CHRM2: variants seen among roughly 807,000 people sequenced by gnomAD.
CHRM2 encodes muscarinic acetylcholine receptor M2.
Under a neutral mutation model 25.0 loss-of-function variants are expected in CHRM2, and 8 were observed. The observed-to-expected ratio is 0.32, with a 90% CI of 0.19 to 0.58. CHRM2 has a LOEUF of 0.58. Ranked by LOEUF, CHRM2 falls within the 20% of genes least tolerant of loss-of-function variation. The pLI is 0.88. For missense variants in CHRM2, 440 were observed against 567.1 expected (o/e 0.78, Z 2.28); for synonymous variants, 202 against 205.7 (o/e 0.98, Z 0.15).
At chr7:136,944,482 TGTGTG>T (rs1799953444) in intron 2 of CHRM2, among the ~76,000 whole-genome samples, 1 of 152,026 alleles carries the variant, frequency 6.6e-6, no homozygotes, top group East Asian at 1.9e-4. Flanking sequence ...TATGTGTGTG[TGTGTG>T]TACATGTATA....
In CHRM2 at chr7:136,869,523, G is replaced by A. The variant is rs979408480; in HGVS notation, c.-125+105G>A. ...CCCCAAGCCGGAGGCTCAGGGGTCG[G>A]GGCTTGGGGGAATTGGAGGGAGGTC... On this transcript the variant is annotated intron_variant, in intron 2 of 3. Transcript: ENST00000680005. The surrounding 1 kb of genome is among the most constrained non-coding windows in gnomAD (Gnocchi z 4.9). 6 of 152,426 alleles carry A rather than the reference G, an allele frequency of 3.9e-5. No homozygotes were observed. Among genetic ancestry groups the A allele is most frequent in the African/African-American group, 1.4e-4 (6 of 41,466 alleles). 9.4% of individuals were successfully genotyped at this position (152,426 alleles called of 1,614,324 possible).
intron 2 of CHRM2, among the ~76,000 whole-genome samples, chr7:136,877,180 G>T (rs1412616375): frequency 6.6e-6 from 1 of 152,050 alleles, no homozygotes; most frequent in Non-Finnish European, 1.5e-5. Flanking sequence ...TTAGGGCCCG[G>T]ACAGAGAGCT....
chr7:136,872,234 T>C (rs1037820013), intron 2 of CHRM2, among the ~76,000 whole-genome samples: 3 of 152,074 alleles, frequency 2.0e-5, no homozygotes, highest in East Asian at 1.9e-4. Flanking sequence ...TGGAGGCAAA[T>C]TGGAGTGAGC....
chr7:136,931,737 G>A (rs946946004), intron 2 of CHRM2, among the ~76,000 whole-genome samples: 10 of 152,178 alleles, frequency 6.6e-5, no homozygotes, highest in African/African-American at 2.4e-4. Flanking sequence ...CTGTCCCTTT[G>A]AAGACTGCAT....
intron 2 of CHRM2, among the ~76,000 whole-genome samples, chr7:136,910,013 G>A (rs754126001): frequency 1.3e-5 from 2 of 151,642 alleles, no homozygotes; most frequent in Non-Finnish European, 2.9e-5. Context: ...CACACCAAAC[G>A]CTGTTTAGTA....
chr7:137,002,337 T>A (rs1804105873), intron 3 of CHRM2, among the ~76,000 whole-genome samples: 1 of 152,204 alleles, frequency 6.6e-6, no homozygotes, highest in African/African-American at 2.4e-5. Context: ...TATGAAATTT[T>A]GTTATTTTTA....
At chr7:137,008,589 G>A (rs1804603865) in intron 3 of CHRM2, among the ~76,000 whole-genome samples, 1 of 151,944 alleles carries the variant, frequency 6.6e-6, no homozygotes, top group African/African-American at 2.4e-5. Flanking sequence ...TGAAAGGTGG[G>A]CAAGAAACGC....
chr7:136,913,347 G>T (rs554445583), intron 2 of CHRM2, among the ~76,000 whole-genome samples: 2 of 151,974 alleles, frequency 1.3e-5, no homozygotes, highest in African/African-American at 4.8e-5. Flanking sequence ...CCACAGGAAG[G>T]AGTTATTTAA....
intron 2 of CHRM2, among the ~76,000 whole-genome samples, chr7:136,928,750 C>A (rs1798886919): frequency 6.6e-6 from 1 of 152,138 alleles, no homozygotes; most frequent in Non-Finnish European, 1.5e-5. Flanking sequence ...GAATCAGATA[C>A]CTCATTTGAA....
At chr7:136,881,712 T>A (rs1044443010) in intron 2 of CHRM2, among the ~76,000 whole-genome samples, 23 of 152,064 alleles carry the variant, frequency 1.5e-4, no homozygotes, top group Non-Finnish European at 3.1e-4. Context: ...CATGATTTTT[T>A]AAATTCAGAC....
intron 2 of CHRM2, among the ~76,000 whole-genome samples, chr7:136,917,817 C>A (rs984875991): frequency 2.0e-5 from 3 of 151,920 alleles, no homozygotes; most frequent in African/African-American, 7.3e-5. Context: ...ATTGGGTAGG[C>A]TTATTAGGGT....
At chr7:136,993,212 G>C (rs189368214) in intron 3 of CHRM2, among the ~76,000 whole-genome samples, 1 of 152,246 alleles carries the variant, frequency 6.6e-6, no homozygotes, top group East Asian at 1.9e-4. Context: ...CAGTGAGAGA[G>C]AGGGAGAGAG....
chr7:137,011,200 T>G (rs1324210169), intron 3 of CHRM2, among the ~76,000 whole-genome samples: 3 of 132,414 alleles, frequency 2.3e-5, no homozygotes, highest in African/African-American at 1.1e-4. Flanking sequence ...TGTACGTGTG[T>G]GTGTGTGTGT....
chr7:136,871,924 A>G (rs1381273254), intron 2 of CHRM2: 2 of 152,198 alleles, frequency 1.3e-5, no homozygotes, highest in Admixed American at 6.5e-5. Context: ...TATTATCAAA[A>G]TGTGTTCCAG....
At chr7:136,981,283 G>A (rs926388115) in intron 2 of CHRM2, among the ~76,000 whole-genome samples, 6 of 152,146 alleles carry the variant, frequency 3.9e-5, no homozygotes, top group African/African-American at 1.4e-4. Context: ...GGGATCAGTG[G>A]TAATATCACA....
rs750864238 is a variant in CHRM2 at position 136,875,070 on chromosome 7, TATATATACACATATATAC to T, written c.-125+5682_-125+5699del. Among the ~76,000 whole-genome samples the T allele has an allele frequency of 7.0e-4, 105 of 150,062 alleles. 2 individuals are homozygous for T. In the South Asian group the frequency reaches 8.1e-3, roughly 12 times the overall value. ...AAATGCATGTGTGTGTATGTGTGTA[TATATATACACATATATAC>T]ATATATACACATATATACATATATA... On this transcript the variant is annotated intron_variant, in intron 2 of 3. Transcript: ENST00000680005.
chr7:136,993,196 C>A (rs1448753695), intron 3 of CHRM2, among the ~76,000 whole-genome samples: 2 of 152,068 alleles, frequency 1.3e-5, no homozygotes, highest in Non-Finnish European at 1.5e-5. Flanking sequence ...TTCACACAGA[C>A]ACATACAGTG....
rs186502510 is a variant in CHRM2, at chr7:136,916,292, A to G, written c.-125+46874A>G. 5.8e-3 allele frequency among the ~76,000 whole-genome samples: 882 copies of G among 152,036 alleles called. 11 individuals carry two copies. Among genetic ancestry groups the G allele is most frequent in the African/African-American group, 0.019 (795 of 41,530 alleles). On this transcript the variant is annotated intron_variant, in intron 2 of 3. Coordinates refer to ENST00000680005, the MANE Select transcript of CHRM2 (RefSeq NM_001006630.2). ...GAAATAAGAAAAACTCAACATAAGG[A>G]TGAATACATTTAATCCTCATTTTAA...
chr7:136,879,018 G>A (rs1796156337), intron 2 of CHRM2, among the ~76,000 whole-genome samples: 1 of 151,864 alleles, frequency 6.6e-6, no homozygotes. Context: ...TCATGGTAAA[G>A]GAATCAGTCT....
Sources: allele counts gnomAD v4.1 joint callset (sites outside exome capture counted in the v4.1 genomes callset), GRCh38; gene constraint gnomAD v4.1.1; non-coding constraint Gnocchi (gnomAD v3.1); transcripts MANE v1.5; gene names NCBI Gene and HGNC (gene_info 2026-07-23, HGNC 2026-07-21).